The following LRRC4C variants were observed in gnomAD, a reference collection of about 807,000 sequenced individuals.
The protein encoded by LRRC4C is leucine-rich repeat-containing protein 4C.
In LRRC4C, 5 loss-of-function variants were observed where a neutral mutation model predicts 33.6. The observed-to-expected ratio is 0.15, with a 90% CI of 0.08 to 0.31. The LOEUF (loss-of-function observed/expected upper bound fraction) is 0.31. Ranked by LOEUF, LRRC4C falls within the 10% of genes least tolerant of loss-of-function variation. LRRC4C has a pLI of 1.00. For missense variants in LRRC4C, 560 were observed against 796.7 expected (o/e 0.70, Z 3.58); for synonymous variants, 329 against 302.0 (o/e 1.09, Z -0.93).
intron 1 of LRRC4C, among the ~76,000 whole-genome samples, chr11:41,192,838 A>G (rs2136219847): frequency 6.6e-6 from 1 of 152,238 alleles, no homozygotes; most frequent in South Asian, 2.1e-4. Flanking sequence ...TTGCTTAAAA[A>G]ATGTCAGGAT....
intron 1 of LRRC4C, among the ~76,000 whole-genome samples, chr11:41,037,483 T>A (rs1857151753): frequency 1.3e-5 from 2 of 151,894 alleles, no homozygotes; most frequent in African/African-American, 4.8e-5. Flanking sequence ...AGATTACAGG[T>A]GTGAGCCACT....
chr11:40,832,194 G>T (rs1454961551), intron 2 of LRRC4C, among the ~76,000 whole-genome samples: 1 of 151,756 alleles, frequency 6.6e-6, no homozygotes, highest in Non-Finnish European at 1.5e-5. Context: ...GCAATACAAT[G>T]GTAAGTATTG....
chr11:41,370,354 T>C (rs1952699787), intron 1 of LRRC4C, among the ~76,000 whole-genome samples: 1 of 152,034 alleles, frequency 6.6e-6, no homozygotes, highest in Admixed American at 6.6e-5. Context: ...CAGTGATAGG[T>C]TTGGCCCTCT....
At chr11:40,579,943 A>G (rs1425150818) in intron 3 of LRRC4C, among the ~76,000 whole-genome samples, 1 of 152,044 alleles carries the variant, frequency 6.6e-6, no homozygotes, top group East Asian at 1.9e-4. Flanking sequence ...AATCACAGTA[A>G]CTCACCTGAG....
At chr11:40,482,297 G>A (rs1285285607) in intron 3 of LRRC4C, among the ~76,000 whole-genome samples, 1 of 151,992 alleles carries the variant, frequency 6.6e-6, no homozygotes, top group East Asian at 1.9e-4. Context: ...AAAACCCTTA[G>A]GACATTCAGA....
chr11:40,760,327 C>T (rs908363801), intron 2 of LRRC4C, among the ~76,000 whole-genome samples: 3 of 151,346 alleles, frequency 2.0e-5, no homozygotes, highest in Non-Finnish European at 2.9e-5. Context: ...TGCTGCTCTT[C>T]GTGCCGAAAA....
chr11:40,790,428 C>T (rs1374058635), intron 2 of LRRC4C, among the ~76,000 whole-genome samples: 2 of 152,118 alleles, frequency 1.3e-5, no homozygotes, highest in Non-Finnish European at 2.9e-5. Flanking sequence ...TCAAAAAATT[C>T]CAAATACAAA....
chr11:40,701,888 A>T (rs1945878690), intron 2 of LRRC4C, among the ~76,000 whole-genome samples: 1 of 151,898 alleles, frequency 6.6e-6, no homozygotes, highest in African/African-American at 2.4e-5. Flanking sequence ...AATGTGCTAC[A>T]TGGTTTGAAT....
At chr11:40,146,462 C>G (rs555121278) in intron 5 of LRRC4C, among the ~76,000 whole-genome samples, 1 of 152,244 alleles carries the variant, frequency 6.6e-6, no homozygotes, top group African/African-American at 2.4e-5. Flanking sequence ...CCTCAACAGA[C>G]CCTATCTATA....
intron 3 of LRRC4C, among the ~76,000 whole-genome samples, chr11:40,351,887 C>A (rs1947406481): frequency 6.6e-6 from 1 of 151,860 alleles, no homozygotes; most frequent in African/African-American, 2.4e-5. Flanking sequence ...TTTTTCATCC[C>A]TTTATTTTCA....
intron 3 of LRRC4C, among the ~76,000 whole-genome samples, chr11:40,632,833 G>A (rs1167752799): frequency 6.6e-6 from 1 of 152,164 alleles, no homozygotes; most frequent in Non-Finnish European, 1.5e-5. Flanking sequence ...TCTGAGCAAT[G>A]AAGATACTTT....
At chr11:40,669,900 AG>A (rs1488611857) in intron 2 of LRRC4C, among the ~76,000 whole-genome samples, 1 of 152,248 alleles carries the variant, frequency 6.6e-6, no homozygotes, top group African/African-American at 2.4e-5. Flanking sequence ...TTATAGAAAC[AG>A]TAGGTATAAA....
At chr11:41,137,729 G>A (rs1943328172) in intron 1 of LRRC4C, among the ~76,000 whole-genome samples, 1 of 152,132 alleles carries the variant, frequency 6.6e-6, no homozygotes, top group African/African-American at 2.4e-5. Flanking sequence ...GTATCCTTCA[G>A]CTATTTTGTC....
At chr11:40,219,670 T>A (rs931383032) in intron 5 of LRRC4C, among the ~76,000 whole-genome samples, 4 of 150,246 alleles carry the variant, frequency 2.7e-5, no homozygotes, top group Non-Finnish European at 5.9e-5. Context: ...TGTGGGATTT[T>A]AAAATCCAAA....
chr11:40,211,802 C>T (rs545128597), intron 5 of LRRC4C, among the ~76,000 whole-genome samples: 3 of 152,260 alleles, frequency 2.0e-5, no homozygotes, highest in African/African-American at 7.2e-5. Context: ...GTGATTTCTC[C>T]ATTTTTCCTT....
At chr11:40,894,843 C>T (rs1592018367) in intron 2 of LRRC4C, among the ~76,000 whole-genome samples, 1 of 152,052 alleles carries the variant, frequency 6.6e-6, no homozygotes, top group Admixed American at 6.6e-5. Flanking sequence ...GATCTGGTCC[C>T]GTTTTGACAT....
chr11:40,406,602 T>C (rs1949973279), intron 3 of LRRC4C, among the ~76,000 whole-genome samples: 1 of 152,160 alleles, frequency 6.6e-6, no homozygotes, highest in African/African-American at 2.4e-5. Context: ...TTCTGGGTAG[T>C]GGTACTATAT....
intron 3 of LRRC4C, among the ~76,000 whole-genome samples, chr11:40,610,682 G>A (rs1961126308): frequency 6.6e-6 from 1 of 151,780 alleles, no homozygotes; most frequent in African/African-American, 2.4e-5. Context: ...AAGGTTGCAG[G>A]ATACAAGCTC....
At chr11:40,805,366 T>G (rs1357912151) in intron 2 of LRRC4C, among the ~76,000 whole-genome samples, 4 of 152,196 alleles carry the variant, frequency 2.6e-5, no homozygotes, top group African/African-American at 7.2e-5. Flanking sequence ...CTTGACCAAT[T>G]GGACAAATCG....
Sources: gnomAD v4.1 joint callset for allele counts (sites outside exome capture counted in the v4.1 genomes callset) on GRCh38, gnomAD v4.1.1 for gene constraint, MANE v1.5 for transcripts, NCBI Gene and HGNC (gene_info 2026-07-23, HGNC 2026-07-21) for gene names.